RALGAPA2: variants seen among roughly 807,000 people sequenced by gnomAD.
RALGAPA2 encodes the protein ral GTPase-activating protein subunit alpha-2.
RALGAPA2 carries 139 observed loss-of-function variants against 230.4 expected under a neutral mutation model. That is an observed-to-expected ratio of 0.60 (90% CI 0.53 to 0.69). The LOEUF (loss-of-function observed/expected upper bound fraction) is 0.69. Ranked by LOEUF, RALGAPA2 falls within the 30% of genes least tolerant of loss-of-function variation. The pLI, the probability that RALGAPA2 is intolerant of heterozygous loss-of-function variation, is 0.00. For synonymous variants in RALGAPA2, 847 were observed against 837.8 expected (o/e 1.01, Z -0.19); for missense variants, 2,163 against 2,276.0 (o/e 0.95, Z 1.01).
At chr20:20,541,021 G>A (rs2063627612) in intron 24 of RALGAPA2, among the ~76,000 whole-genome samples, 1 of 151,008 alleles carries the variant, frequency 6.6e-6, no homozygotes, top group African/African-American at 2.4e-5. Context: ...TCGCAATCTA[G>A]GCAATATATA....
chr20:20,504,058 A>G (rs1464062623), intron 34 of RALGAPA2, among the ~76,000 whole-genome samples: 4 of 152,190 alleles, frequency 2.6e-5, no homozygotes, highest in Admixed American at 2.0e-4. Flanking sequence ...TTTATCCAAA[A>G]TTTTTAACTT....
chr20:20,481,896 G>A (rs1184940669), intron 36 of RALGAPA2, among the ~76,000 whole-genome samples: 1 of 152,126 alleles, frequency 6.6e-6, no homozygotes, highest in East Asian at 1.9e-4. Context: ...AGGTTCAAAT[G>A]CCCTACCAAC....
intron 37 of RALGAPA2, among the ~76,000 whole-genome samples, chr20:20,458,450 A>T (rs2061178237): frequency 7.3e-6 from 1 of 137,622 alleles, no homozygotes; most frequent in Non-Finnish European, 1.5e-5. Context: ...ATTACATATA[A>T]TACATATGTA....
At chr20:20,688,816 A>G (rs1231460651) in intron 1 of RALGAPA2, among the ~76,000 whole-genome samples, 2 of 152,256 alleles carry the variant, frequency 1.3e-5, no homozygotes. Context: ...ACAGCAAATA[A>G]CAAAAATGAT....
chr20:20,629,401 G>T lies in RALGAPA2; in HGVS notation c.1195C>A (p.Arg399=). The change falls in exon 10 of 40, where the codon CGA becomes AGA. Residue 399 remains arginine (R), a synonymous_variant. Coordinates refer to ENST00000202677, the MANE Select transcript of RALGAPA2 (RefSeq NM_020343.4). ...TCATTCACGAAGTTGACATAACCTCGTGTTGACAAGAGAATCCGCTGTACC... is the reference window on the plus strand; with the variant it reads ...TCATTCACGAAGTTGACATAACCTCTTGTTGACAAGAGAATCCGCTGTACC... ...EMVQRILLST[R]GYVNFVNEVF... 6.2e-7 allele frequency: 1 copy of T among 1,612,136 alleles called. No individual in the cohort carries two copies. The highest frequency in any genetic ancestry group is 1.1e-5 in the South Asian group (1 of 90,684).
At chr20:20,421,654 G>C (rs1364363807) in intron 37 of RALGAPA2, among the ~76,000 whole-genome samples, 1 of 152,096 alleles carries the variant, frequency 6.6e-6, no homozygotes, top group Non-Finnish European at 1.5e-5. Context: ...TGGGCAACAA[G>C]AGCGAAACTC....
intron 34 of RALGAPA2, chr20:20,504,987 T>G: frequency 1.0e-6 from 1 of 983,504 alleles, no homozygotes; most frequent in Non-Finnish European, 1.2e-6. Flanking sequence ...CCATCATGGC[T>G]ATTATATTAT....
chr20:20,529,981 T>C (rs558694427), intron 27 of RALGAPA2, among the ~76,000 whole-genome samples: 1 of 152,300 alleles, frequency 6.6e-6, no homozygotes, highest in South Asian at 2.1e-4. Flanking sequence ...GATCTTGGAA[T>C]TGAAAAAGGG....
chr20:20,511,421 C>A (rs893191773), intron 32 of RALGAPA2, 96 bp from the exon 33 acceptor site: 2 of 1,443,660 alleles, frequency 1.4e-6, no homozygotes, highest in South Asian at 1.4e-5. Flanking sequence ...TATCATCCAT[C>A]CTCTACCACC....
chr20:20,613,344 C>A (rs2066031486), intron 13 of RALGAPA2, among the ~76,000 whole-genome samples: 1 of 152,204 alleles, frequency 6.6e-6, no homozygotes, highest in African/African-American at 2.4e-5. Flanking sequence ...TTTTCCTGAT[C>A]TCTATCTCCT....
At chr20:20,400,708 A>G (rs751818736) in intron 38 of RALGAPA2, among the ~76,000 whole-genome samples, 7 of 152,324 alleles carry the variant, frequency 4.6e-5, no homozygotes, top group Admixed American at 2.0e-4. Context: ...CTGAATTCAC[A>G]TGAGTGAGTG....
At chr20:20,420,503 GA>G (rs2060254297) in intron 37 of RALGAPA2, among the ~76,000 whole-genome samples, 1 of 152,324 alleles carries the variant, frequency 6.6e-6, no homozygotes, top group South Asian at 2.1e-4. Flanking sequence ...TTGCAGGCTT[GA>G]AATGACCAGA....
intron 9 of RALGAPA2, among the ~76,000 whole-genome samples, chr20:20,630,549 T>C (rs1383178572): frequency 6.6e-6 from 1 of 152,244 alleles, no homozygotes; most frequent in Admixed American, 6.5e-5. Flanking sequence ...CCTGTGTGGC[T>C]TATGAAAGGC....
chr20:20,582,776 T>C (rs1220632055), intron 20 of RALGAPA2, among the ~76,000 whole-genome samples: 1 of 152,178 alleles, frequency 6.6e-6, no homozygotes, highest in Non-Finnish European at 1.5e-5. Flanking sequence ...TAAAAATTAA[T>C]CAATAAGCTA....
chr20:20,552,905 T>C (rs2145769805), intron 23 of RALGAPA2, among the ~76,000 whole-genome samples: 1 of 152,188 alleles, frequency 6.6e-6, no homozygotes, highest in Admixed American at 6.5e-5. Flanking sequence ...ACCTGGCTTC[T>C]GATGATTAAA....
At chr20:20,412,001 G>C (rs1236151503) in intron 38 of RALGAPA2, 26 bp downstream of exon 38, 1 of 1,613,600 alleles carries the variant, frequency 6.2e-7, no homozygotes, top group Non-Finnish European at 8.5e-7. Context: ...TTAAGCGCGT[G>C]AGAGAAGAAT....
chr20:20,505,687 T>C (rs1405960716), intron 33 of RALGAPA2, among the ~76,000 whole-genome samples, 153 bp from the exon 34 acceptor site: 2 of 152,222 alleles, frequency 1.3e-5, no homozygotes, highest in African/African-American at 4.8e-5. Context: ...GTCTGACACA[T>C]AGTCTCATTT....
chr20:20,663,206 T>A (rs774759098), intron 3 of RALGAPA2, among the ~76,000 whole-genome samples: 7 of 152,110 alleles, frequency 4.6e-5, no homozygotes, highest in Non-Finnish European at 1.0e-4. Flanking sequence ...AACAAAGTCT[T>A]AGGTAGTAGG....
At chr20:20,413,438 C>T (rs879677540) in intron 37 of RALGAPA2, among the ~76,000 whole-genome samples, 1 of 152,128 alleles carries the variant, frequency 6.6e-6, no homozygotes, top group Non-Finnish European at 1.5e-5. Context: ...ATTTTCATAC[C>T]GTGAGGAGAC....
Sources: allele counts gnomAD v4.1 joint callset (sites outside exome capture counted in the v4.1 genomes callset), GRCh38; gene constraint gnomAD v4.1.1; transcripts MANE v1.5; gene names NCBI Gene and HGNC (gene_info 2026-07-23, HGNC 2026-07-21).